The following SMAD2 variants were observed in gnomAD, a reference collection of about 807,000 sequenced individuals.
SMAD2 encodes MAD homolog 2.
Under a neutral mutation model 64.4 loss-of-function variants are expected in SMAD2, and 8 were observed. The ratio of observed to expected loss-of-function variants is 0.12; its 90% CI spans 0.07 to 0.22. The LOEUF (loss-of-function observed/expected upper bound fraction) is 0.22, where lower values mean the gene tolerates loss of function less well. Ranked by LOEUF, SMAD2 falls within the 10% of genes least tolerant of loss-of-function variation. The pLI, the probability that SMAD2 is intolerant of heterozygous loss-of-function variation, is 1.00. For synonymous variants in SMAD2, 203 were observed against 195.8 expected, an observed-to-expected ratio of 1.04 and a Z score of -0.31; for missense variants, 289 against 561.2, an observed-to-expected ratio of 0.51 and a Z score of 4.90.
At chr18:47,927,464 G>A (rs75119060) in intron 1 of SMAD2, among the ~76,000 whole-genome samples, 7,598 of 152,304 alleles carry the variant, frequency 0.05, 585 homozygotes, top group East Asian at 0.21. Flanking sequence ...AATAGGGCAA[G>A]GGACATGAGT....
rs16958499 is a variant in SMAD2 at position 47,833,895 on chromosome 18, A to C, written c.*7932T>G. On this transcript the variant is annotated 3_prime_UTR_variant, in exon 11 of 11. Coordinates refer to ENST00000262160, the MANE Select transcript of SMAD2 (RefSeq NM_005901.6). ...CTATGAAAAATGTAAATTTCAGATT[A>C]AGTTTAACCCCATAAGGACGCATGA... 0.013 allele frequency: 2,885 copies of C among 227,326 alleles called. 75 individuals are homozygous for C. The highest frequency in any genetic ancestry group is 0.059 in the African/African-American group (2,635 of 44,988). The allele number at this position is 227,326 out of a possible 1,614,324, so 14.1% of individuals were successfully genotyped here. A position where few individuals can be genotyped will look rare whatever the true frequency, so the allele number is the denominator to read the frequency against.
chr18:47,880,614 C>T (rs1010296245), intron 2 of SMAD2, among the ~76,000 whole-genome samples: 13 of 152,144 alleles, frequency 8.5e-5, no homozygotes, highest in Non-Finnish European at 1.0e-4. Flanking sequence ...CATGGTAATT[C>T]CAACATGTAG....
At position 47,810,495 on chromosome 18, in the gene SMAD2, T is replaced by C. The variant is rs1912166826; in HGVS notation, c.*31332A>G. 6.6e-6 allele frequency: 1 copy of C among 152,232 alleles called. No individual in the cohort carries two copies. Among genetic ancestry groups the C allele is most frequent in the South Asian group, 2.1e-4 (1 of 4,830 alleles). 9.4% of individuals were successfully genotyped at this position (152,232 alleles called of 1,614,324 possible). On this transcript the variant is annotated 3_prime_UTR_variant, in exon 11 of 11. Coordinates refer to ENST00000262160, the MANE Select transcript of SMAD2 (RefSeq NM_005901.6). Reference sequence around the variant, plus strand: ...GGCTTTCAATCACCTGATTCCACACTGCCTTATAATTGGCATTAGTGGCAC... The same window carrying C: ...GGCTTTCAATCACCTGATTCCACACCGCCTTATAATTGGCATTAGTGGCAC...
chr18:47,888,986 A>G lies in SMAD2; in HGVS notation c.236+7535T>C, dbSNP rs551193573. 1.1e-4 allele frequency among the ~76,000 whole-genome samples: 16 copies of G among 152,334 alleles called. No homozygotes were observed. The South Asian group carries it at 2.3e-3, about 22-fold the overall frequency. ...GTCTATAATATCAAAGGAACATACT[A>G]TAACTGAAGGATATATTTGAAATTA... On this transcript the variant is annotated intron_variant, in intron 2 of 10. Coordinates refer to ENST00000262160, the MANE Select transcript of SMAD2 (RefSeq NM_005901.6).
At chr18:47,899,143 A>T (rs901441741) in intron 1 of SMAD2, among the ~76,000 whole-genome samples, 2 of 152,204 alleles carry the variant, frequency 1.3e-5, no homozygotes, top group African/African-American at 2.4e-5. Flanking sequence ...TTGATTAAGA[A>T]AAAGTTACAA....
chr18:47,880,701 T>C (rs943812005), intron 2 of SMAD2, among the ~76,000 whole-genome samples: 2 of 152,234 alleles, frequency 1.3e-5, no homozygotes, highest in East Asian at 3.9e-4. Flanking sequence ...TTTAGGATTG[T>C]ATGCTAGACA....
chr18:47,869,352 A>C lies in SMAD2; in HGVS notation c.411T>G (p.Leu137=). ...IYCRLWRWPD[L]HSHHELKAIE... ...TTGCCTTGAGTTCATGATGACTGTG[A>C]AGATCAGGCCAGCGCCATAATCGGC... The change falls in exon 4 of 11, where the codon CTT becomes CTG. Residue 137 remains leucine, a synonymous_variant. Coordinates refer to ENST00000262160, the MANE Select transcript of SMAD2 (RefSeq NM_005901.6). 1.9e-6 allele frequency: 3 copies of C among 1,613,744 alleles called. No homozygotes were observed. Among genetic ancestry groups the C allele is most frequent in the South Asian group, 1.1e-5 (1 of 91,072 alleles).
At chr18:47,867,334 ATCTTT>A (rs900766875) in intron 5 of SMAD2, 1 of 152,176 alleles carries the variant, frequency 6.6e-6, no homozygotes, top group South Asian at 2.1e-4. Context: ...TTTCTTAGTT[ATCTTT>A]TCTTTTTTTT....
At chr18:47,847,229 G>T (rs1378580816) in intron 8 of SMAD2, among the ~76,000 whole-genome samples, 1 of 152,068 alleles carries the variant, frequency 6.6e-6, no homozygotes, top group Admixed American at 6.6e-5. Context: ...ATCTTAATAA[G>T]ATTATCCAAA....
At chr18:47,886,935 AAAAG>A (rs1301536814) in intron 2 of SMAD2, 6 of 157,096 alleles carry the variant, frequency 3.8e-5, no homozygotes, top group Admixed American at 6.5e-5. Flanking sequence ...AAAAAAAAAA[AAAAG>A]AAAAGGCTTT....
chr18:47,887,165 T>C (rs1432832209), intron 2 of SMAD2, among the ~76,000 whole-genome samples: 1 of 152,228 alleles, frequency 6.6e-6, no homozygotes, highest in East Asian at 1.9e-4. Context: ...GCTTTTATCC[T>C]GTCTGCACAA....
intron 2 of SMAD2, 103 bp downstream of exon 2, chr18:47,896,418 A>G (rs2033441494): frequency 8.7e-7 from 1 of 1,155,008 alleles, no homozygotes; most frequent in African/African-American, 1.5e-5. Flanking sequence ...TCATATTTCA[A>G]TCATCACTTT....
rs902244634 is a variant in SMAD2 at position 47,814,964 on chromosome 18, G to A, written c.*26863C>T. 3 of 152,498 alleles carry A rather than the reference G, an allele frequency of 2.0e-5. No homozygotes were observed. The highest frequency in any genetic ancestry group is 7.2e-5 in the African/African-American group (3 of 41,436). 9.4% of individuals were successfully genotyped at this position (152,498 alleles called of 1,614,324 possible). A position where few individuals can be genotyped will look rare whatever the true frequency, so the allele number is the denominator to read the frequency against. ...CAGGGCATGACAGCAGTGAACAAAAGCCAGGGACCCACTTACATTACCCAG... is the reference window on the plus strand; with the variant it reads ...CAGGGCATGACAGCAGTGAACAAAAACCAGGGACCCACTTACATTACCCAG... On this transcript the variant is annotated 3_prime_UTR_variant, in exon 11 of 11. Transcript: ENST00000262160.
In SMAD2 at chr18:47,862,471, G is replaced by T. The variant is rs533268213; in HGVS notation, c.730+2588C>A. Among the ~76,000 whole-genome samples, 15 of 152,282 alleles carry T rather than the reference G, an allele frequency of 9.9e-5. No homozygotes were observed. In the South Asian group the frequency reaches 3.1e-3, roughly 32 times the overall value. On this transcript the variant is annotated intron_variant, in intron 6 of 10. Coordinates refer to ENST00000262160, the MANE Select transcript of SMAD2 (RefSeq NM_005901.6). ...GCTTTTGGGTTTCCCAACAATCCTAGGAATTGCTCAGCTTGCAGGTGCTAA... is the reference window on the plus strand; with the variant it reads ...GCTTTTGGGTTTCCCAACAATCCTATGAATTGCTCAGCTTGCAGGTGCTAA...
rs893756220 is a variant in SMAD2 at position 47,822,131 on chromosome 18, G to A, written c.*19696C>T. 1.3e-5 allele frequency: 2 copies of A among 152,174 alleles called. No homozygotes were observed. The highest frequency in any genetic ancestry group is 1.3e-4 in the Admixed American group (2 of 15,286). The allele number at this position is 152,174 out of a possible 1,614,324, so 9.4% of individuals were successfully genotyped here. On this transcript the variant is annotated 3_prime_UTR_variant, in exon 11 of 11. Transcript: ENST00000262160. Reference sequence around the variant, plus strand: ...ATTTATGAGTATGTTATTGATATGAGTGTTCCAAAATTGTACGATGCCGTT... The same window carrying A: ...ATTTATGAGTATGTTATTGATATGAATGTTCCAAAATTGTACGATGCCGTT...
At chr18:47,854,189 T>C (rs957184981) in intron 6 of SMAD2, among the ~76,000 whole-genome samples, 1 of 152,138 alleles carries the variant, frequency 6.6e-6, no homozygotes, top group African/African-American at 2.4e-5. Flanking sequence ...GTCTTCCACT[T>C]AGAATATTAT....
chr18:47,855,215 G>A (rs1420101847), intron 6 of SMAD2, among the ~76,000 whole-genome samples: 1 of 152,206 alleles, frequency 6.6e-6, no homozygotes, highest in Non-Finnish European at 1.5e-5. Context: ...TTGAGGACCT[G>A]TTGTACATTA....
At chr18:47,842,748 T>C (rs1259332472) in intron 10 of SMAD2, among the ~76,000 whole-genome samples, 1 of 152,154 alleles carries the variant, frequency 6.6e-6, no homozygotes, top group Non-Finnish European at 1.5e-5. Context: ...TGTTAAAAGC[T>C]GGAATTCAAC....
chr18:47,887,378 G>C (rs2032966319), intron 2 of SMAD2, among the ~76,000 whole-genome samples: 1 of 152,182 alleles, frequency 6.6e-6, no homozygotes, highest in Non-Finnish European at 1.5e-5. Context: ...GAGGGAGTCT[G>C]AGAGAAAAGG....
Sources: allele counts gnomAD v4.1 joint callset (sites outside exome capture counted in the v4.1 genomes callset), GRCh38; gene constraint gnomAD v4.1.1; transcripts MANE v1.5; gene names NCBI Gene and HGNC (gene_info 2026-07-23, HGNC 2026-07-21).